FOCAD: variants seen among roughly 807,000 people sequenced by gnomAD.
FOCAD encodes the protein KIAA1797.
A neutral mutation model predicts 225.6 loss-of-function variants in FOCAD; 198 were observed. The observed-to-expected ratio is 0.88, with a 90% CI of 0.78 to 0.99. The LOEUF is 0.99. FOCAD is among the 50% of genes least tolerant of loss of function. FOCAD has a pLI of 0.00. For missense variants in FOCAD, 2,713 were observed against 2,123.6 expected (o/e 1.28, Z -5.46); for synonymous variants, 897 against 755.0 (o/e 1.19, Z -3.08).
At chr9:20,972,719 T>C (rs1839869828) in intron 35 of FOCAD, among the ~76,000 whole-genome samples, 1 of 152,212 alleles carries the variant, frequency 6.6e-6, no homozygotes, top group Non-Finnish European at 1.5e-5. Context: ...GTTAATTCTG[T>C]TTCTTTTTCT....
chr9:20,942,924 G>A (rs1269937038), intron 28 of FOCAD, among the ~76,000 whole-genome samples: 1 of 152,346 alleles, frequency 6.6e-6, no homozygotes, highest in Non-Finnish European at 1.5e-5. Context: ...CTCTGAGGAA[G>A]TAACATTTGA....
In FOCAD at chr9:20,933,106, A is replaced by G. The variant is rs1186327209; in HGVS notation, c.3407+3A>G. 1 of 1,609,316 alleles carries G rather than the reference A, an allele frequency of 6.2e-7. No homozygotes were observed. The highest frequency in any genetic ancestry group is 1.3e-5 in the African/African-American group (1 of 74,800). On this transcript the variant is annotated splice_donor_region_variant and intron_variant, in intron 28 of 43. Coordinates refer to ENST00000338382, the MANE Select transcript of FOCAD (RefSeq NM_001375567.1). ...TTTGACACTAGTCTTGAATACAAGTATGTTGTTCCTATTTCCACTCTCACA... is the reference window on the plus strand; with the variant it reads ...TTTGACACTAGTCTTGAATACAAGTGTGTTGTTCCTATTTCCACTCTCACA...
At chr9:20,788,847 T>C (rs1018127423) in intron 10 of FOCAD, among the ~76,000 whole-genome samples, 3 of 152,218 alleles carry the variant, frequency 2.0e-5, no homozygotes, top group Admixed American at 6.5e-5. Context: ...CAATTATTAA[T>C]GAATTCCCAG....
chr9:20,845,496 G>A (rs1230336919), intron 15 of FOCAD, among the ~76,000 whole-genome samples: 2 of 137,188 alleles, frequency 1.5e-5, no homozygotes, highest in Non-Finnish European at 3.1e-5. Context: ...TACATGCCAT[G>A]TATTGTCCAT....
At chr9:20,688,449 G>A (rs770666743) in intron 1 of FOCAD, among the ~76,000 whole-genome samples, 1 of 152,180 alleles carries the variant, frequency 6.6e-6, no homozygotes, top group Non-Finnish European at 1.5e-5. Context: ...GGGAGAATAA[G>A]ATCAGTAGTC....
At chr9:20,939,682 TCTTAC>T (rs1836429715) in intron 28 of FOCAD, among the ~76,000 whole-genome samples, 1 of 151,776 alleles carries the variant, frequency 6.6e-6, no homozygotes, top group Admixed American at 6.5e-5. Context: ...CTTTGTTGAT[TCTTAC>T]CTTCTTTTAT....
At chr9:20,821,615 G>GGAGGTGGA (rs1824332146) in intron 14 of FOCAD, among the ~76,000 whole-genome samples, 1 of 152,050 alleles carries the variant, frequency 6.6e-6, no homozygotes, top group Non-Finnish European at 1.5e-5. Flanking sequence ...TTAATAAACA[G>GGAGGTGGA]GGTGGAGGTG....
intron 2 of FOCAD, among the ~76,000 whole-genome samples, chr9:20,665,482 T>C (rs1475578470): frequency 2.0e-5 from 3 of 152,192 alleles, no homozygotes; most frequent in African/African-American, 7.2e-5. Flanking sequence ...AGTCACTTCC[T>C]CAGAATTGTG....
chr9:20,964,195 G>A lies in FOCAD; in HGVS notation c.4132+11130G>A, dbSNP rs146449166. On this transcript the variant is annotated intron_variant, in intron 35 of 43. Coordinates refer to ENST00000338382, the MANE Select transcript of FOCAD (RefSeq NM_001375567.1). Reference sequence around the variant, plus strand: ...AGCCTGGCCAACATGGTGAAACCCCGTCTATACAGAAAATACAAAAAATTA... The same window carrying A: ...AGCCTGGCCAACATGGTGAAACCCCATCTATACAGAAAATACAAAAAATTA... Among the ~76,000 whole-genome samples the A allele has an allele frequency of 2.2e-3, 339 of 152,014 alleles. 9 individuals are homozygous for A. In the East Asian group the frequency reaches 0.043, roughly 19 times the overall value.
chr9:20,736,759 G>A (rs966821928), intron 4 of FOCAD, among the ~76,000 whole-genome samples: 19 of 152,016 alleles, frequency 1.2e-4, no homozygotes, highest in Non-Finnish European at 4.4e-5. Context: ...CGTAAGAGAT[G>A]GGCTTATTAT....
chr9:20,749,999 C>A (rs528653933), intron 5 of FOCAD, among the ~76,000 whole-genome samples: 1 of 152,140 alleles, frequency 6.6e-6, no homozygotes, highest in East Asian at 1.9e-4. Context: ...TGTTAGGATG[C>A]ATGTACTGTA....
At chr9:20,751,153 C>G (rs1012220596) in intron 5 of FOCAD, among the ~76,000 whole-genome samples, 1 of 134,152 alleles carries the variant, frequency 7.5e-6, no homozygotes, top group African/African-American at 2.9e-5. Flanking sequence ...TCTCCACTTC[C>G]ATTTTTTTTT....
intron 22 of FOCAD, among the ~76,000 whole-genome samples, chr9:20,912,626 T>C (rs1032647935): frequency 6.6e-6 from 1 of 152,152 alleles, no homozygotes; most frequent in African/African-American, 2.4e-5. Context: ...CAAAATTAAA[T>C]TCTCTGCACT....
intron 35 of FOCAD, among the ~76,000 whole-genome samples, chr9:20,960,214 C>G (rs2079834636): frequency 6.6e-6 from 1 of 152,146 alleles, no homozygotes; most frequent in South Asian, 2.1e-4. Flanking sequence ...ATACAATGCT[C>G]TTTAATTTGG....
chr9:20,777,101 G>C (rs999995052), intron 8 of FOCAD, among the ~76,000 whole-genome samples: 7 of 151,410 alleles, frequency 4.6e-5, no homozygotes, highest in African/African-American at 1.7e-4. Flanking sequence ...TTTTTCAAAA[G>C]TCCATAAACA....
intron 15 of FOCAD, among the ~76,000 whole-genome samples, chr9:20,846,089 A>G (rs1054028832): frequency 1.7e-4 from 26 of 152,092 alleles, no homozygotes; most frequent in African/African-American, 5.6e-4. Context: ...ATTTAGGCAC[A>G]TTTCTCAGGG....
intron 11 of FOCAD, among the ~76,000 whole-genome samples, chr9:20,816,060 T>G (rs1329683929): frequency 6.6e-6 from 1 of 152,172 alleles, no homozygotes; most frequent in African/African-American, 2.4e-5. Flanking sequence ...AAACATTTCC[T>G]TCTTTTTTCA....
At chr9:20,820,916 C>G (rs747047436) in intron 13 of FOCAD, 25 bp from the exon 14 acceptor site, 12 of 1,601,704 alleles carry the variant, frequency 7.5e-6, no homozygotes, top group African/African-American at 1.3e-5. Context: ...GGGAAACTAC[C>G]TTTTTTGTAA....
chr9:20,701,005 A>G (rs1823898664), intron 1 of FOCAD, among the ~76,000 whole-genome samples: 2 of 152,222 alleles, frequency 1.3e-5, no homozygotes, highest in Admixed American at 6.5e-5. Flanking sequence ...GCATCTGAGC[A>G]GGTGCAGCTG....
Sources: allele counts gnomAD v4.1 joint callset (sites outside exome capture counted in the v4.1 genomes callset), GRCh38; gene constraint gnomAD v4.1.1; transcripts MANE v1.5; gene names NCBI Gene and HGNC (gene_info 2026-07-23, HGNC 2026-07-21).